The following HOOK2 variants were observed in gnomAD, a reference collection of about 807,000 sequenced individuals.
The protein encoded by HOOK2 is protein Hook homolog 2.
HOOK2 carries 108 observed loss-of-function variants against 111.9 expected under a neutral mutation model. The ratio of observed to expected loss-of-function variants is 0.96; its 90% CI spans 0.83 to 1.13. The LOEUF (loss-of-function observed/expected upper bound fraction) is 1.13. Ranked by LOEUF, HOOK2 falls within the 50% of genes most tolerant of loss-of-function variation. HOOK2 has a pLI of 0.00. For synonymous variants in HOOK2, 405 were observed against 394.3 expected, an observed-to-expected ratio of 1.03 and a Z score of -0.32; for missense variants, 978 against 951.3, an observed-to-expected ratio of 1.03 and a Z score of -0.37.
At chr19:12,767,330 G>A in intron 14 of HOOK2, 65 bp downstream of exon 14, 1 of 1,360,932 alleles carries the variant, frequency 7.3e-7, no homozygotes, top group Admixed American at 1.7e-5. Flanking sequence ...GAGGGCGGGA[G>A]CGGGGCTGAG....
At chr19:12,772,114 C>A (rs978413198) in intron 7 of HOOK2, 76 bp downstream of exon 7, 8 of 1,128,942 alleles carry the variant, frequency 7.1e-6, no homozygotes, top group Non-Finnish European at 1.1e-5. Flanking sequence ...TTAATCACAG[C>A]AAACTTATCC....
At chr19:12,768,269 GT>G (rs1012435971) in intron 11 of HOOK2, 146 bp from the exon 12 acceptor site, 24 of 654,324 alleles carry the variant, frequency 3.7e-5, no homozygotes, top group East Asian at 8.5e-5. Flanking sequence ...GTTTTTGCTT[GT>G]TTTTTTTAGA....
At chr19:12,766,387 C>G in intron 14 of HOOK2, 147 bp from the exon 15 acceptor site, 1 of 1,003,668 alleles carries the variant, frequency 1.0e-6, no homozygotes, top group South Asian at 1.8e-5. Flanking sequence ...GGACCTACTA[C>G]GGGTTCAGGT....
chr19:12,784,552 G>A (rs1475794156), intron 3 of HOOK2: 1 of 152,422 alleles, frequency 6.6e-6, no homozygotes, highest in East Asian at 1.9e-4. Context: ...TCAGGTGAGA[G>A]GCACACAGCA....
At chr19:12,764,766 A>G (rs761474300) in intron 20 of HOOK2, 48 bp downstream of exon 20, 1 of 1,547,892 alleles carries the variant, frequency 6.5e-7, no homozygotes, top group Non-Finnish European at 8.9e-7. Context: ...AGGCACAAAA[A>G]GTAAGAAGCC....
chr19:12,770,152 C>A, intron 10 of HOOK2, 70 bp from the exon 11 acceptor site: 2 of 1,315,820 alleles, frequency 1.5e-6, no homozygotes, highest in Non-Finnish European at 1.0e-6. Flanking sequence ...GTGGAGTGGC[C>A]CTTGGAGCAC....
In HOOK2 at chr19:12,772,675, T is replaced by A; in HGVS notation, c.394A>T (p.Ile132Phe). The A allele has an allele frequency of 6.2e-7, 1 of 1,614,230 alleles. No individual in the cohort carries two copies. The highest frequency in any genetic ancestry group is 8.5e-7 in the Non-Finnish European group (1 of 1,180,034). Residue 132 changes from isoleucine (I) to phenylalanine (F), a missense_variant, in exon 6 of 23, where the codon ATC becomes TTC. Physicochemically the swap from Ile to Phe is conservative, Grantham distance 21. Transcript: ENST00000397668. ...AISCEKKQDH[I>F]QRIMTLEESV... ...TCTTCCAGCGTCATGATTCTCTGGA[T>A]GTGGTCTGGGGATCAAGGTGGGGGA... is the stretch of plus-strand genomic sequence containing the variant.
In HOOK2 at chr19:12,763,417, C is replaced by T; in HGVS notation, c.2025G>A (p.Gln675=). The change falls in exon 23 of 23, where the codon CAG becomes CAA. Residue 675 remains glutamine, a synonymous_variant. Coordinates refer to ENST00000397668, the MANE Select transcript of HOOK2 (RefSeq NM_013312.3). ...GCGCCCGCTCCTCCCCAGCTCGCTG[C>T]TGCAAGGCCATGCCCTTCAGGAGGA... ...SAWYNMGMAL[Q]QRAGEERAPA... 5 of 1,613,956 alleles carry T rather than the reference C, an allele frequency of 3.1e-6. No individual in the cohort carries two copies. The highest frequency in any genetic ancestry group is 4.2e-6 in the Non-Finnish European group (5 of 1,179,948).
chr19:12,786,193 C>T lies in HOOK2; in HGVS notation n.42-11968G>A, dbSNP rs1349943987. Among the ~76,000 whole-genome samples, 2 of 151,580 alleles carry T rather than the reference C, an allele frequency of 1.3e-5. No homozygotes were observed. The highest frequency in any genetic ancestry group is 3.9e-4 in the East Asian group (2 of 5,106). On this transcript the variant is annotated intron_variant and non_coding_transcript_variant, in intron 3 of 3. Transcript: ENST00000589765. This position sits in a 1 kb window ranked among gnomAD's most constrained non-coding sequence, Gnocchi z 4.3. ...TAGGCCAGGAGTTCCTGGGGGAGGG[C>T]TCCTGCCGGGCCTCAGATCCACACC...
chr19:12,782,604 G>C (rs1037950847), upstream of HOOK2, among the ~76,000 whole-genome samples: 2 of 152,186 alleles, frequency 1.3e-5, no homozygotes, highest in Non-Finnish European at 2.9e-5. Context: ...GCGGTCGTGC[G>C]TGCAAGCGCG....
At chr19:12,768,624 T>TA (rs963719801) in intron 11 of HOOK2, among the ~76,000 whole-genome samples, 20 of 151,970 alleles carry the variant, frequency 1.3e-4, no homozygotes, top group Admixed American at 3.3e-4. Context: ...TTTTCTTTTT[T>TA]AAAAAAAATT....
In HOOK2 at chr19:12,792,276, C is replaced by T. The variant is rs1175755412; in HGVS notation, n.42-18051G>A. 5 of 1,496,010 alleles carry T rather than the reference C, an allele frequency of 3.3e-6. No individual in the cohort carries two copies. Among genetic ancestry groups the T allele is most frequent in the Middle Eastern group, 1.7e-4 (1 of 5,730 alleles). The allele number at this position is 1,496,010 out of a possible 1,614,324, so 92.7% of individuals were successfully genotyped here. On this transcript the variant is annotated intron_variant and non_coding_transcript_variant, in intron 3 of 3. Coordinates refer to the HOOK2 transcript ENST00000589765. ...CGCTACCGGGGGGCCCCCGGCTGGG[C>T]CCGGGGGCGTCTACGCCGGCCCGGA...
At chr19:12,768,203 A>C in intron 11 of HOOK2, 80 bp from the exon 12 acceptor site, 1 of 1,138,688 alleles carries the variant, frequency 8.8e-7, no homozygotes, top group Admixed American at 2.0e-5. Context: ...TCCCCGATCC[A>C]GGATGCTTTG....
At position 12,768,487 on chromosome 19, in the gene HOOK2, G is replaced by A. The variant is rs532826676; in HGVS notation, c.1105-364C>T. Reference sequence around the variant, plus strand: ...CAATAAATTGCGTTATATAGTCAACGCTTTATTATAAAATAGGCTTTATGG... The same window carrying A: ...CAATAAATTGCGTTATATAGTCAACACTTTATTATAAAATAGGCTTTATGG... On this transcript the variant is annotated intron_variant, in intron 11 of 22. Transcript: ENST00000397668. Among the ~76,000 whole-genome samples, 8 of 152,196 alleles carry A rather than the reference G, an allele frequency of 5.3e-5. No homozygotes were observed. In the East Asian group the frequency reaches 9.6e-4, roughly 18 times the overall value.
chr19:12,785,354 CCT>C (rs749601946), intron 3 of HOOK2, among the ~76,000 whole-genome samples: 7 of 151,264 alleles, frequency 4.6e-5, no homozygotes, highest in African/African-American at 1.2e-4. Context: ...CAGCCACAGA[CCT>C]CTTTTTCACA....
At chr19:12,772,564 G>A in intron 6 of HOOK2, 49 bp downstream of exon 6, 2 of 1,591,608 alleles carry the variant, frequency 1.3e-6, no homozygotes, top group Non-Finnish European at 1.7e-6. Flanking sequence ...CCCTAGAGAT[G>A]TCCCCTCTCC....
chr19:12,792,276 C>G, intron 3 of HOOK2: 1 of 1,496,126 alleles, frequency 6.7e-7, no homozygotes, highest in East Asian at 2.5e-5. Context: ...CCCGGCTGGG[C>G]CCGGGGGCGT....
chr19:12,769,469 C>A (rs1416936496), intron 11 of HOOK2, among the ~76,000 whole-genome samples: 1 of 152,150 alleles, frequency 6.6e-6, no homozygotes, highest in Admixed American at 6.5e-5. Context: ...GTCACCCAGG[C>A]TGGAATGCAG....
upstream of HOOK2, among the ~76,000 whole-genome samples, chr19:12,780,614 C>T (rs540201951): frequency 2.3e-3 from 338 of 145,598 alleles, 4 homozygotes; most frequent in Admixed American, 0.021. Flanking sequence ...CCTCGGCCTC[C>T]CAAAGTGCTG....
Sources: allele counts gnomAD v4.1 joint callset (sites outside exome capture counted in the v4.1 genomes callset), GRCh38; gene constraint gnomAD v4.1.1; non-coding constraint Gnocchi (gnomAD v3.1); transcripts MANE v1.5; gene names NCBI Gene and HGNC (gene_info 2026-07-23, HGNC 2026-07-21).